The following MAGI3 variants were observed in gnomAD, a reference collection of about 807,000 sequenced individuals.
MAGI3 encodes membrane-associated guanylate kinase, WW and PDZ domain-containing protein 3.
In MAGI3, 43 loss-of-function variants were observed where a neutral mutation model predicts 121.8. The ratio of observed to expected loss-of-function variants is 0.35; its 90% confidence interval spans 0.28 to 0.46. The LOEUF is 0.46. Among genes scored for constraint, MAGI3 ranks in the 20% least tolerant of loss-of-function variants. The pLI, the probability that MAGI3 is intolerant of heterozygous loss-of-function variation, is 1.00. For synonymous variants in MAGI3, 553 were observed against 639.3 expected, an observed-to-expected ratio of 0.86 and a Z score of 2.04; for missense variants, 1,547 against 1,797.3, an observed-to-expected ratio of 0.86 and a Z score of 2.52.
intron 1 of MAGI3, among the ~76,000 whole-genome samples, chr1:113,437,863 C>CTCCTT: frequency 2.0e-5 from 1 of 50,928 alleles, no homozygotes; most frequent in East Asian, 6.3e-4. Context: ...TCTTCTTCTT[C>CTCCTT]CTCTTCTTCT....
rs774402867 is a variant in MAGI3 at position 113,594,537 on chromosome 1, C to A, written c.995C>A (p.Ala332Asp). The change falls in exon 6 of 21, where the codon GCC (alanine) becomes GAC (aspartate). Residue 332 changes from alanine (A) to aspartate (D), a missense_variant. By Grantham distance (126) the Ala-to-Asp change is moderately radical (BLOSUM62 -2). Coordinates refer to ENST00000307546, the MANE Select transcript of MAGI3 (RefSeq NM_001142782.2). ...CCTCGTCTTTGTAAGAAAGCCAAAG[C>A]CCCTGAAGACTGTGAAGATGGAGGT... is the stretch of plus-strand genomic sequence containing the variant. Reference protein sequence around the residue: ...LDPRLCKKAKAPEDCEDGELP... With the variant: ...LDPRLCKKAKDPEDCEDGELP... 1 of 1,613,078 alleles carries A rather than the reference C, an allele frequency of 6.2e-7. No homozygotes were observed. Among genetic ancestry groups the A allele is most frequent in the Non-Finnish European group, 8.5e-7 (1 of 1,179,386 alleles).
intron 3 of MAGI3, among the ~76,000 whole-genome samples, chr1:113,582,116 T>A (rs948198404): frequency 1.3e-5 from 2 of 152,062 alleles, no homozygotes; most frequent in Non-Finnish European, 2.9e-5. Context: ...TTATTTCACA[T>A]CCATAGATTG....
At chr1:113,605,992 GTC>G (rs2101761475) in intron 6 of MAGI3, among the ~76,000 whole-genome samples, 1 of 151,462 alleles carries the variant, frequency 6.6e-6, no homozygotes, top group Non-Finnish European at 1.5e-5. Context: ...TTGAGACAGA[GTC>G]TCTCTCTGTC....
At chr1:113,395,723 G>T (rs1426949328) in intron 1 of MAGI3, among the ~76,000 whole-genome samples, 2 of 151,576 alleles carry the variant, frequency 1.3e-5, no homozygotes, top group Non-Finnish European at 2.9e-5. Flanking sequence ...TCATTTTCTA[G>T]TATATCATTT....
At chr1:113,399,429 A>G (rs1309384495) in intron 1 of MAGI3, among the ~76,000 whole-genome samples, 1 of 152,152 alleles carries the variant, frequency 6.6e-6, no homozygotes, top group East Asian at 1.9e-4. Context: ...CCGAGGAATC[A>G]ATACTACAGG....
intron 2 of MAGI3, among the ~76,000 whole-genome samples, chr1:113,564,896 C>A (rs1660380522): frequency 6.6e-6 from 1 of 151,854 alleles, no homozygotes; most frequent in Non-Finnish European, 1.5e-5. Flanking sequence ...GTTGCCCAGG[C>A]TAGAGTACAG....
chr1:113,551,945 CT>C (rs1285373989), intron 2 of MAGI3, among the ~76,000 whole-genome samples: 1 of 151,940 alleles, frequency 6.6e-6, no homozygotes, highest in Non-Finnish European at 1.5e-5. Flanking sequence ...GTCATCTCTT[CT>C]TTTTCCTTCC....
chr1:113,529,062 G>A (rs1412140769), intron 1 of MAGI3, among the ~76,000 whole-genome samples: 1 of 152,064 alleles, frequency 6.6e-6, no homozygotes, highest in Admixed American at 6.5e-5. Context: ...ACTTTTGTTG[G>A]TTCAGAAGTC....
chr1:113,581,918 G>T (rs1648064211), intron 3 of MAGI3, among the ~76,000 whole-genome samples: 1 of 151,894 alleles, frequency 6.6e-6, no homozygotes. Context: ...CAAGATTAAA[G>T]TGCTTTTGAA....
chr1:113,477,000 T>C (rs969507961), intron 1 of MAGI3, among the ~76,000 whole-genome samples: 2 of 152,220 alleles, frequency 1.3e-5, no homozygotes, highest in Non-Finnish European at 2.9e-5. Flanking sequence ...TGTCTTTTGA[T>C]CTTTGCTGGT....
chr1:113,489,699 A>G (rs946414967), intron 1 of MAGI3, among the ~76,000 whole-genome samples: 11 of 152,160 alleles, frequency 7.2e-5, no homozygotes, highest in African/African-American at 2.7e-4. Flanking sequence ...AAAGAAGGTT[A>G]CAACCCAACA....
chr1:113,477,660 C>G (rs911575333), intron 1 of MAGI3, among the ~76,000 whole-genome samples: 1 of 152,048 alleles, frequency 6.6e-6, no homozygotes. Flanking sequence ...GCCCTTAACA[C>G]TTTTTCCTTC....
At chr1:113,571,134 A>G (rs546788904) in intron 2 of MAGI3, among the ~76,000 whole-genome samples, 3 of 152,292 alleles carry the variant, frequency 2.0e-5, no homozygotes, top group East Asian at 3.9e-4. Context: ...TCACAACACC[A>G]TTTATTAAAT....
At chr1:113,436,019 A>T (rs1441954946) in intron 1 of MAGI3, among the ~76,000 whole-genome samples, 2 of 149,962 alleles carry the variant, frequency 1.3e-5, no homozygotes, top group African/African-American at 2.4e-5. Context: ...AGAAATAATG[A>T]TTATTGAAAA....
intron 1 of MAGI3, among the ~76,000 whole-genome samples, chr1:113,546,687 C>T (rs1292994344): frequency 2.0e-5 from 3 of 151,824 alleles, no homozygotes; most frequent in African/African-American, 7.3e-5. Flanking sequence ...TACAACTGTT[C>T]GTCTCGGTGT....
chr1:113,516,193 G>T (rs991794417), intron 1 of MAGI3, among the ~76,000 whole-genome samples: 2 of 151,828 alleles, frequency 1.3e-5, no homozygotes, highest in Non-Finnish European at 2.9e-5. Flanking sequence ...TCCTTGTTCT[G>T]TCAGCTGACA....
Position 113,526,675 on chromosome 1 carries a change from G to C in MAGI3, c.317-22840G>C, listed in dbSNP as rs556412196. Among the ~76,000 whole-genome samples the C allele has an allele frequency of 3.9e-5, 6 of 152,268 alleles. No individual in the cohort carries two copies. In the South Asian group the frequency reaches 1.2e-3, roughly 32 times the overall value. On this transcript the variant is annotated intron_variant, in intron 1 of 20. Coordinates refer to ENST00000307546, the MANE Select transcript of MAGI3 (RefSeq NM_001142782.2). ...ATGATATAAGCAGATTTGTACTTTAGGAAAATTGGAAAACAAAGCTGGTGG... is the reference window on the plus strand; with the variant it reads ...ATGATATAAGCAGATTTGTACTTTACGAAAATTGGAAAACAAAGCTGGTGG...
chr1:113,584,471 A>C (rs528297059), intron 3 of MAGI3, among the ~76,000 whole-genome samples: 4 of 152,166 alleles, frequency 2.6e-5, no homozygotes, highest in African/African-American at 9.7e-5. Context: ...TTATCCTGCT[A>C]ATGTCTCTGT....
chr1:113,564,071 A>G (rs545886555), intron 2 of MAGI3, among the ~76,000 whole-genome samples: 2 of 152,194 alleles, frequency 1.3e-5, no homozygotes, highest in South Asian at 2.1e-4. Flanking sequence ...ACAATTCTGT[A>G]TATTAAACTG....
Sources: allele counts gnomAD v4.1 joint callset (sites outside exome capture counted in the v4.1 genomes callset), GRCh38; gene constraint gnomAD v4.1.1; transcripts MANE v1.5; gene names NCBI Gene and HGNC (gene_info 2026-07-23, HGNC 2026-07-21).